The following TRIML1 variants were observed in gnomAD, a reference collection of about 807,000 sequenced individuals.
TRIML1 encodes tripartite motif family like 1.
TRIML1 carries 34 observed loss-of-function variants against 32.3 expected under a neutral mutation model. The ratio of observed to expected loss-of-function variants is 1.05; its 90% CI spans 0.80 to 1.40. TRIML1 has a LOEUF of 1.40. TRIML1 is among the 40% of genes most tolerant of loss of function. TRIML1 has a pLI of 0.00. For synonymous variants in TRIML1, 244 were observed against 226.6 expected, an observed-to-expected ratio of 1.08 and a Z score of -0.69; for missense variants, 595 against 574.9, an observed-to-expected ratio of 1.03 and a Z score of -0.36.
chr4:188,139,775 A>G lies in TRIML1; in HGVS notation c.217A>G (p.Arg73Gly). The change falls in exon 1 of 6, where the codon AGG (arginine) becomes GGG (glycine). Residue 73 changes from arginine to glycine, a missense_variant. Arg to Gly is a moderately radical substitution (Grantham distance 125). Coordinates refer to ENST00000332517, the MANE Select transcript of TRIML1 (RefSeq NM_178556.5). ...PHFQSNERLGRLASIARQLRS... is the reference protein window; with the variant it reads ...PHFQSNERLGGLASIARQLRS... ...TTTCCAGTCAAACGAGCGTCTGGGG[A>G]GGCTGGCCAGCATCGCCAGGCAGCT... 6.2e-7 allele frequency: 1 copy of G among 1,613,890 alleles called. No individual in the cohort carries two copies. The highest frequency in any genetic ancestry group is 8.5e-7 in the Non-Finnish European group (1 of 1,179,992).
downstream of TRIML1, among the ~76,000 whole-genome samples, chr4:188,147,965 G>A (rs1051910428): frequency 6.6e-6 from 1 of 152,196 alleles, no homozygotes; most frequent in African/African-American, 2.4e-5. Context: ...AAATATTTGT[G>A]TGAATGTCGT....
Position 188,139,507 on chromosome 4 carries a change from T to C in TRIML1, c.-52T>C. 1 of 1,515,140 alleles carries C rather than the reference T, an allele frequency of 6.6e-7. No homozygotes were observed. Among genetic ancestry groups the C allele is most frequent in the Non-Finnish European group, 8.9e-7 (1 of 1,129,810 alleles). 93.9% of individuals were successfully genotyped at this position (1,515,140 alleles called of 1,614,324 possible). A position where few individuals can be genotyped will look rare whatever the true frequency, so the allele number is the denominator to read the frequency against. On this transcript the variant is annotated 5_prime_UTR_variant, in exon 1 of 6. Coordinates refer to ENST00000332517, the MANE Select transcript of TRIML1 (RefSeq NM_178556.5). ...AACTGTAGGACGGCAGTGAGGGCTT[T>C]GCTAATCCCAGAACAGAGGTGTAAC... is the stretch of plus-strand genomic sequence containing the variant.
At chr4:188,145,964 T>C (rs1471851080) in intron 5 of TRIML1, among the ~76,000 whole-genome samples, 1 of 152,172 alleles carries the variant, frequency 6.6e-6, no homozygotes, top group Non-Finnish European at 1.5e-5. Flanking sequence ...GATTAGGGAT[T>C]GTGATTTGTG....
intron 1 of TRIML1, among the ~76,000 whole-genome samples, chr4:188,140,311 G>A (rs1262959313): frequency 6.6e-6 from 1 of 151,880 alleles, no homozygotes; most frequent in Non-Finnish European, 1.5e-5. Flanking sequence ...TAATAGAGAC[G>A]GGGTTTCACC....
downstream of TRIML1, among the ~76,000 whole-genome samples, chr4:188,148,826 C>A (rs939164173): frequency 6.6e-6 from 1 of 150,924 alleles, no homozygotes; most frequent in Non-Finnish European, 1.5e-5. Context: ...GGTCTTGAAC[C>A]CCTGACCTCA....
intron 5 of TRIML1, among the ~76,000 whole-genome samples, chr4:188,145,826 A>T (rs1735057455): frequency 6.6e-6 from 1 of 152,030 alleles, no homozygotes; most frequent in Admixed American, 6.6e-5. Context: ...GGAAAAAAAT[A>T]AAAAAATAAA....
At chr4:188,142,553 A>G in intron 3 of TRIML1, 71 bp downstream of exon 3, 1 of 1,240,068 alleles carries the variant, frequency 8.1e-7, no homozygotes. Context: ...CATAGGAAAT[A>G]ATGTTTTCTT....
intron 5 of TRIML1, among the ~76,000 whole-genome samples, chr4:188,144,362 T>G (rs1200373909): frequency 1.3e-5 from 1 of 77,568 alleles, no homozygotes; most frequent in African/African-American, 3.7e-5. Context: ...GTCTAAAGGG[T>G]CTTTTTTTTT....
chr4:188,141,425 CA>C (rs1734850188), intron 2 of TRIML1, among the ~76,000 whole-genome samples: 1 of 152,050 alleles, frequency 6.6e-6, no homozygotes, highest in African/African-American at 2.4e-5. Context: ...CTCGGTCTCC[CA>C]AAGTGCTGGG....
chr4:188,149,740 A>G (rs141265875), downstream of TRIML1, among the ~76,000 whole-genome samples: 21 of 152,278 alleles, frequency 1.4e-4, no homozygotes, highest in African/African-American at 5.1e-4. Flanking sequence ...TGAGACTTGC[A>G]GAGGGGAGCC....
chr4:188,147,447 A>T lies in TRIML1; in HGVS notation c.*75A>T. 7.6e-7 allele frequency: 1 copy of T among 1,318,452 alleles called. No homozygotes were observed. The highest frequency in any genetic ancestry group is 2.7e-5 in the Admixed American group (1 of 36,514). 81.7% of individuals were successfully genotyped at this position (1,318,452 alleles called of 1,614,324 possible). A position where few individuals can be genotyped will look rare whatever the true frequency, so the allele number is the denominator to read the frequency against. ...AACTATTAAGACGATGAAGGCATCGACAGTATTAATGTCAGGTGATCTGAA... is the reference window on the plus strand; with the variant it reads ...AACTATTAAGACGATGAAGGCATCGTCAGTATTAATGTCAGGTGATCTGAA... On this transcript the variant is annotated 3_prime_UTR_variant, in exon 6 of 6. Transcript: ENST00000332517.
chr4:188,147,230 AC>A lies in TRIML1; in HGVS notation c.1266del (p.Asn422LysfsTer43), dbSNP rs1243808637. ...DYESGHIAFY[N>X]GTDESLIYSF... ...GAATCTGGACATATAGCATTCTACA[AC>A]GGGACGGATGAATCCCTCATCTACA... On this transcript the variant is annotated frameshift_variant, in exon 6 of 6. Transcript: ENST00000332517. LOFTEE classifies it high-confidence loss of function. 2 of 1,611,908 alleles carry A rather than the reference AC, an allele frequency of 1.2e-6. No individual in the cohort carries two copies. Among genetic ancestry groups the A allele is most frequent in the Middle Eastern group, 1.7e-4 (1 of 6,050 alleles).
downstream of TRIML1, among the ~76,000 whole-genome samples, chr4:188,147,906 G>A (rs1336430427): frequency 6.6e-6 from 1 of 152,076 alleles, no homozygotes; most frequent in Non-Finnish European, 1.5e-5. Flanking sequence ...CCCATCCCAT[G>A]AGCCTGCAGT....
rs543851142 is a variant in TRIML1, at chr4:188,140,040, C to T, written c.408+74C>T. ...CGTTAGCTTTCCTGACGTTTCCTAA[C>T]GTCCTCTGTGGGGGACAGTCACGAG... On this transcript the variant is annotated intron_variant, in intron 1 of 5. Transcript: ENST00000332517. The T allele has an allele frequency of 9.3e-5, 138 of 1,487,442 alleles. 1 individual carries two copies. The South Asian group carries it at 1.7e-3, about 18-fold the overall frequency. The allele number at this position is 1,487,442 out of a possible 1,614,324, so 92.1% of individuals were successfully genotyped here. A position where few individuals can be genotyped will look rare whatever the true frequency, so the allele number is the denominator to read the frequency against.
rs77324985 is a variant in TRIML1, at chr4:188,146,833, C to T, written c.868C>T (p.Leu290=). ...TCCTCCTCTTGCAGCGGAGATAACG[C>T]TGGACCCAGCCACAGCTAATGCCTA... ...MLRKFSTEIT[L]DPATANAYLV... The change falls in exon 6 of 6, where the codon CTG becomes TTG. Residue 290 remains leucine (L), a synonymous_variant. Transcript: ENST00000332517. 32,267 of 1,393,738 alleles carry T rather than the reference C, an allele frequency of 0.023. 520 individuals are homozygous for T. Among genetic ancestry groups the T allele is most frequent in the African/African-American group, 0.044 (3,000 of 68,690 alleles). 86.3% of individuals were successfully genotyped at this position (1,393,738 alleles called of 1,614,324 possible).
chr4:188,140,559 G>A lies in TRIML1; in HGVS notation c.440G>A (p.Arg147His), dbSNP rs752025162. Reference protein sequence around the residue: ...EKLQEILNLLRVRRKEAQAVL... With the variant: ...EKLQEILNLLHVRRKEAQAVL... ...CTCCAGGAAATCCTGAATCTTTTGC[G>A]TGTAAGGAGAAAGGAAGCTCAGGCT... The change falls in exon 2 of 6, where the codon CGT becomes CAT. Residue 147 changes from arginine (R) to histidine (H), a missense_variant. Physicochemically the swap from Arg to His is conservative, Grantham distance 29. Transcript: ENST00000332517. The A allele has an allele frequency of 1.2e-5, 20 of 1,613,926 alleles. No homozygotes were observed. Among genetic ancestry groups the A allele is most frequent in the East Asian group, 2.2e-5 (1 of 44,888 alleles).
downstream of TRIML1, among the ~76,000 whole-genome samples, chr4:188,150,289 C>A (rs1040791484): frequency 6.6e-6 from 1 of 151,832 alleles, no homozygotes; most frequent in Admixed American, 6.6e-5. Flanking sequence ...CCACCACACC[C>A]AGCGAATTTT....
rs766349992 is a variant in TRIML1, at chr4:188,143,897, G to T, written c.758+37G>T. The stretch of plus-strand genomic sequence containing the variant: ...TTCTGTGTTCAGTTATGCAAGCTGC[G>T]GGGCAGTGGTGCTGATGGACAGTTC... On this transcript the variant is annotated intron_variant, in intron 4 of 5. Transcript: ENST00000332517. The T allele has an allele frequency of 9.3e-6, 15 of 1,613,850 alleles. 1 individual carries two copies. In the East Asian group the frequency reaches 2.7e-4, roughly 29 times the overall value.
upstream of TRIML1, among the ~76,000 whole-genome samples, chr4:188,138,325 C>T (rs566580703): frequency 6.6e-6 from 1 of 152,200 alleles, no homozygotes; most frequent in Admixed American, 6.5e-5. Context: ...AAGTCAGAAA[C>T]CAATGAACGG....
Sources: gnomAD v4.1 joint callset for allele counts (sites outside exome capture counted in the v4.1 genomes callset) on GRCh38, gnomAD v4.1.1 for gene constraint, MANE v1.5 for transcripts, NCBI Gene and HGNC (gene_info 2026-07-23, HGNC 2026-07-21) for gene names.